BNC2: variants seen among roughly 807,000 people sequenced by gnomAD.
The protein encoded by BNC2 is zinc finger protein basonuclin-2.
A neutral mutation model predicts 76.3 loss-of-function variants in BNC2; 20 were observed. That is an observed-to-expected ratio of 0.26 (90% CI 0.18 to 0.38). The LOEUF is 0.38. Ranked by LOEUF, BNC2 falls within the 10% of genes least tolerant of loss-of-function variation. The pLI, the probability that BNC2 is intolerant of heterozygous loss-of-function variation, is 1.00. For synonymous variants in BNC2, 582 were observed against 514.8 expected (o/e 1.13, Z -1.77); for missense variants, 1,382 against 1,399.8 (o/e 0.99, Z 0.20).
intron 3 of BNC2, among the ~76,000 whole-genome samples, chr9:16,656,344 T>A (rs144874310): frequency 6.6e-6 from 1 of 152,148 alleles, no homozygotes; most frequent in African/African-American, 2.4e-5. Context: ...CCACCCATGC[T>A]GAGGAGTTTC....
rs139735355 is a variant in BNC2 at position 16,485,657 on chromosome 9, A to T, written c.670-48133T>A. On this transcript the variant is annotated intron_variant, in intron 5 of 6. Transcript: ENST00000380672. ...CAACATAGTGAGACCCTGTCTCTAC[A>T]AAAAGATTTTTAAAAACAGAGAAGC... 3.9e-3 allele frequency among the ~76,000 whole-genome samples: 593 copies of T among 152,274 alleles called. 2 individuals carry two copies. Among genetic ancestry groups the T allele is most frequent in the Middle Eastern group, 0.017 (5 of 294 alleles).
chr9:16,593,080 T>A (rs1370969295), intron 3 of BNC2, among the ~76,000 whole-genome samples: 3 of 151,974 alleles, frequency 2.0e-5, no homozygotes, highest in Non-Finnish European at 4.4e-5. Flanking sequence ...ATTAAAAAAA[T>A]TCTAAGATAA....
In BNC2 at chr9:16,868,975, G is replaced by T. The variant is rs539335204; in HGVS notation, c.3+1671C>A. 6.6e-5 allele frequency among the ~76,000 whole-genome samples: 10 copies of T among 152,302 alleles called. No individual in the cohort carries two copies. In the South Asian group the frequency reaches 2.1e-3, roughly 32 times the overall value. On this transcript the variant is annotated intron_variant, in intron 1 of 6. Coordinates refer to ENST00000380672, the MANE Select transcript of BNC2 (RefSeq NM_017637.6). ...TGAAATTGCAGAATACAAAGCAGTG[G>T]AAGGCAGACAGGCTTAGCCACAGTT...
At chr9:16,537,130 G>C (rs1178094168) in intron 5 of BNC2, among the ~76,000 whole-genome samples, 16 of 151,870 alleles carry the variant, frequency 1.1e-4, no homozygotes, top group Non-Finnish European at 5.9e-5. Context: ...TAATTATTTA[G>C]GTTTTTCAAC....
In BNC2 at chr9:16,702,486, T is replaced by A. The variant is rs1219973097; in HGVS notation, c.330+25311A>T. ...CACAAAGATCAACCTAATGAAAATT[T>A]TGCAGAGTGGTAAAAATGTAGACTA... On this transcript the variant is annotated intron_variant, in intron 3 of 6. Transcript: ENST00000380672. 5.3e-5 allele frequency among the ~76,000 whole-genome samples: 8 copies of A among 151,880 alleles called. No homozygotes were observed. The South Asian group carries it at 1.7e-3, about 32-fold the overall frequency.
chr9:16,737,088 G>A (rs1356793219), intron 2 of BNC2, among the ~76,000 whole-genome samples: 1 of 151,834 alleles, frequency 6.6e-6, no homozygotes, highest in African/African-American at 2.4e-5. Context: ...TTACAGGCGA[G>A]AGCCACCATG....
At chr9:16,865,178 T>C (rs1819514309) in intron 1 of BNC2, among the ~76,000 whole-genome samples, 1 of 152,046 alleles carries the variant, frequency 6.6e-6, no homozygotes, top group Non-Finnish European at 1.5e-5. Context: ...TATGAACTCA[T>C]GAACCACAAG....
intron 4 of BNC2, among the ~76,000 whole-genome samples, chr9:16,571,383 T>C (rs1819318978): frequency 6.6e-6 from 1 of 152,172 alleles, no homozygotes; most frequent in African/African-American, 2.4e-5. Context: ...ATAGGATAAA[T>C]GTTATCCCCC....
chr9:16,806,567 T>C (rs769042870), intron 1 of BNC2, among the ~76,000 whole-genome samples: 4 of 152,174 alleles, frequency 2.6e-5, no homozygotes, highest in Non-Finnish European at 4.4e-5. Context: ...TATTTTCTAA[T>C]TACCCAGGCA....
intron 5 of BNC2, among the ~76,000 whole-genome samples, chr9:16,457,192 C>T (rs1168569522): frequency 6.6e-6 from 1 of 152,078 alleles, no homozygotes; most frequent in Non-Finnish European, 1.5e-5. Flanking sequence ...ATGAAGTAGT[C>T]CTTAGGAAGA....
intron 4 of BNC2, among the ~76,000 whole-genome samples, chr9:16,569,748 A>G (rs1819268133): frequency 1.3e-5 from 2 of 152,194 alleles, no homozygotes; most frequent in African/African-American, 4.8e-5. Context: ...TAACAGGCAA[A>G]GAGAAAATTT....
intron 3 of BNC2, among the ~76,000 whole-genome samples, chr9:16,637,887 T>C (rs912976828): frequency 2.0e-5 from 3 of 152,194 alleles, no homozygotes; most frequent in Admixed American, 6.5e-5. Context: ...TGTGGTGTAA[T>C]ATACATACAG....
At chr9:16,599,349 C>G (rs563031077) in intron 3 of BNC2, among the ~76,000 whole-genome samples, 1 of 152,172 alleles carries the variant, frequency 6.6e-6, no homozygotes, top group Non-Finnish European at 1.5e-5. Context: ...AGTAGAAATT[C>G]AATACTCTCT....
chr9:16,608,510 A>T (rs1820446575), intron 3 of BNC2, among the ~76,000 whole-genome samples: 1 of 152,242 alleles, frequency 6.6e-6, no homozygotes, highest in African/African-American at 2.4e-5. Flanking sequence ...TCAATTTTTT[A>T]AATTTTGTTT....
At chr9:16,633,880 C>G (rs1587257559) in intron 3 of BNC2, among the ~76,000 whole-genome samples, 1 of 152,154 alleles carries the variant, frequency 6.6e-6, no homozygotes, top group Admixed American at 6.5e-5. Context: ...ACAGGTAAGT[C>G]AGAATTTCAG....
chr9:16,658,637 A>G (rs1380188306), intron 3 of BNC2, among the ~76,000 whole-genome samples: 2 of 152,186 alleles, frequency 1.3e-5, no homozygotes, highest in Non-Finnish European at 2.9e-5. Context: ...GGGAAAGATC[A>G]TAGGTCTTAT....
At chr9:16,698,009 T>C (rs527960154) in intron 3 of BNC2, among the ~76,000 whole-genome samples, 2 of 152,138 alleles carry the variant, frequency 1.3e-5, no homozygotes, top group African/African-American at 4.8e-5. Flanking sequence ...AAGTCCAGGG[T>C]AGGCAAACAA....
intron 1 of BNC2, among the ~76,000 whole-genome samples, chr9:16,857,008 G>A (rs1381491722): frequency 2.0e-5 from 3 of 152,118 alleles, no homozygotes; most frequent in African/African-American, 7.2e-5. Flanking sequence ...ATATGATTTT[G>A]TCAGTCCATA....
At chr9:16,639,377 G>A (rs1045154805) in intron 3 of BNC2, among the ~76,000 whole-genome samples, 2 of 152,154 alleles carry the variant, frequency 1.3e-5, no homozygotes, top group African/African-American at 4.8e-5. Flanking sequence ...AAAGCTCAGT[G>A]TCTGGCATGT....
Sources: gnomAD v4.1 joint callset for allele counts (sites outside exome capture counted in the v4.1 genomes callset) on GRCh38, gnomAD v4.1.1 for gene constraint, MANE v1.5 for transcripts, NCBI Gene and HGNC (gene_info 2026-07-23, HGNC 2026-07-21) for gene names.